Variants in PAK3 observed in about 807,000 individuals in gnomAD.
PAK3 encodes p21 (RAC1) activated kinase 3.
A neutral mutation model predicts 41.0 loss-of-function variants in PAK3; 4 were observed. That is an observed-to-expected ratio of 0.10 (90% confidence interval 0.05 to 0.22). The LOEUF (loss-of-function observed/expected upper bound fraction) is 0.22. Among genes scored for constraint, PAK3 ranks in the 10% least tolerant of loss-of-function variants. The probability of loss-of-function intolerance (pLI) is 1.00; values close to 1 mark genes in which losing one functional copy is unlikely to be tolerated. For missense variants in PAK3, 205 were observed against 409.9 expected, an observed-to-expected ratio of 0.50 and a Z score of 4.32; for synonymous variants, 146 against 139.6, an observed-to-expected ratio of 1.05 and a Z score of -0.32.
chrX:111,051,204 G>A (rs2092554225), intron 1 of PAK3, among the ~76,000 whole-genome samples: 1 of 111,791 alleles, frequency 8.9e-6, no homozygotes, highest in African/African-American at 3.3e-5. Flanking sequence ...CTCTATTGGA[G>A]CAGTAACTTT....
chrX:111,173,543 G>A (rs997249082), intron 11 of PAK3, among the ~76,000 whole-genome samples: 6 of 111,179 alleles, frequency 5.4e-5, no homozygotes, highest in Non-Finnish European at 1.1e-4. Flanking sequence ...AGGCAGAGTT[G>A]ACTATCTGAG....
intron 1 of PAK3, among the ~76,000 whole-genome samples, chrX:111,044,974 A>G (rs2092483293): frequency 8.9e-6 from 1 of 112,000 alleles, no homozygotes; most frequent in Non-Finnish European, 1.9e-5. Flanking sequence ...ATGACCTATG[A>G]CATGAAAGCT....
chrX:111,102,945 G>T (rs1206145447), intron 3 of PAK3, among the ~76,000 whole-genome samples: 2 of 111,681 alleles, frequency 1.8e-5, no homozygotes, highest in African/African-American at 3.3e-5. Flanking sequence ...TTAGCCCTCT[G>T]ATTTTCTAGC....
rs372088018 is a variant in PAK3 at position 111,182,588 on chromosome X, G to A, written c.830+9507G>A. Among the ~76,000 whole-genome samples, 27 of 110,724 alleles carry A rather than the reference G, an allele frequency of 2.4e-4. No individual in the cohort carries two copies. The East Asian group carries it at 6.6e-3, about 27-fold the overall frequency. On this transcript the variant is annotated intron_variant, in intron 11 of 17. Transcript: ENST00000372007. Reference sequence around the variant, plus strand: ...AGGAAAACGCCAGAACTCTGTCTTTGGAAAAGTTATTGCATGTGATGGTAA... The same window carrying A: ...AGGAAAACGCCAGAACTCTGTCTTTAGAAAAGTTATTGCATGTGATGGTAA...
chrX:111,154,723 C>T (rs1287868870), intron 8 of PAK3, among the ~76,000 whole-genome samples: 1 of 110,565 alleles, frequency 9.0e-6, no homozygotes, highest in Non-Finnish European at 1.9e-5. Context: ...GCTTCCTGGG[C>T]CACACTGAAA....
At position 111,207,202 on chromosome X, in the gene PAK3, A is replaced by C. The variant is rs758666254; in HGVS notation, c.1408-9219A>C. Among the ~76,000 whole-genome samples, 56 of 108,608 alleles carry C rather than the reference A, an allele frequency of 5.2e-4. 1 individual carries two copies. The highest frequency in any genetic ancestry group is 1.9e-3 in the African/African-American group (55 of 29,629). The allele number at this position is 108,608 out of a possible 115,157, so 94.3% of individuals were successfully genotyped here. ...TATATATATACGTATATGTGTGTAT[A>C]TATATACACATATACATATACATAT... On this transcript the variant is annotated intron_variant, in intron 16 of 17. Coordinates refer to ENST00000372007, the MANE Select transcript of PAK3 (RefSeq NM_002578.5).
intron 13 of PAK3, among the ~76,000 whole-genome samples, chrX:111,194,047 T>G (rs1391044285): frequency 9.0e-6 from 1 of 111,549 alleles, no homozygotes; most frequent in Non-Finnish European, 1.9e-5. Flanking sequence ...GAGACCTGAT[T>G]GTACTGCTAA....
intron 5 of PAK3, among the ~76,000 whole-genome samples, chrX:111,136,963 T>C (rs1192833521): frequency 1.8e-5 from 2 of 111,477 alleles, no homozygotes; most frequent in African/African-American, 3.3e-5. Flanking sequence ...GTGGGAATGA[T>C]TGCAGAAGTG....
At chrX:111,105,972 A>G (rs1406248020) in intron 4 of PAK3, among the ~76,000 whole-genome samples, 1 of 111,967 alleles carries the variant, frequency 8.9e-6, no homozygotes, top group African/African-American at 3.3e-5. Context: ...AAACATACAT[A>G]CTGCACATGT....
At chrX:111,000,611 A>G (rs975600868) in intron 1 of PAK3, among the ~76,000 whole-genome samples, 1 of 111,994 alleles carries the variant, frequency 8.9e-6, no homozygotes, top group Non-Finnish European at 1.9e-5. Context: ...TCTGTAGATG[A>G]GTTAATCTTA....
intron 1 of PAK3, among the ~76,000 whole-genome samples, chrX:111,078,922 C>A (rs954487654): frequency 8.9e-6 from 1 of 112,148 alleles, no homozygotes; most frequent in Admixed American, 9.5e-5. Context: ...AAATGTCAAA[C>A]CAGCTACAAC....
rs1231161391 is a variant in PAK3, at chrX:111,220,974, AAAAAC to A, written c.*537_*541del. 1 of 112,786 alleles carries A rather than the reference AAAAAC, an allele frequency of 8.9e-6. No homozygotes were observed. Among genetic ancestry groups the A allele is most frequent in the African/African-American group, 3.3e-5 (1 of 30,380 alleles). The allele number at this position is 112,786 out of a possible 1,213,427, so 9.3% of individuals were successfully genotyped here. Reference sequence around the variant, plus strand: ...AAAAAAAAAAAAAACAAACAAAAACAAAAACAAAACAAAAACAAGCAAACAAAAAA... The same window carrying A: ...AAAAAAAAAAAAAACAAACAAAAACAAAAACAAAAACAAGCAAACAAAAAA... On this transcript the variant is annotated 3_prime_UTR_variant, in exon 18 of 18. Coordinates refer to ENST00000372007, the MANE Select transcript of PAK3 (RefSeq NM_002578.5).
chrX:111,173,299 G>A (rs1399239416), intron 11 of PAK3, among the ~76,000 whole-genome samples: 1 of 111,137 alleles, frequency 9.0e-6, no homozygotes, highest in African/African-American at 3.3e-5. Flanking sequence ...CATTATTGTT[G>A]GGCTGACAGT....
At chrX:111,127,761 A>G (rs1023565824) in intron 5 of PAK3, among the ~76,000 whole-genome samples, 2 of 111,289 alleles carry the variant, frequency 1.8e-5, no homozygotes, top group African/African-American at 3.3e-5. Flanking sequence ...GTATGTATGC[A>G]CTTTGTATTA....
rs1163687252 is a variant in PAK3 at position 111,204,878 on chromosome X, G to GTT, written c.1407+8255_1407+8256dup. On this transcript the variant is annotated intron_variant, in intron 16 of 17. Transcript: ENST00000372007. ...TTTCTTTTCTTCTTTCCTTTGCTTT[G>GTT]TTTTTTTTTTTTTTTTTTGTAAAGA... 5.4e-3 allele frequency among the ~76,000 whole-genome samples: 204 copies of GTT among 37,657 alleles called. 4 individuals are homozygous for GTT. Among genetic ancestry groups the GTT allele is most frequent in the Middle Eastern group, 0.015 (1 of 68 alleles). 32.7% of individuals were successfully genotyped at this position (37,657 alleles called of 115,157 possible). A position where few individuals can be genotyped will look rare whatever the true frequency, so the allele number is the denominator to read the frequency against.
At chrX:111,028,306 G>A (rs979091555) in intron 1 of PAK3, among the ~76,000 whole-genome samples, 3 of 108,884 alleles carry the variant, frequency 2.8e-5, no homozygotes, top group Non-Finnish European at 5.7e-5. Flanking sequence ...TACACTGCTC[G>A]GGTGATGGGT....
chrX:111,006,849 C>CTTTCTTTCTTTCT (rs1556434441), intron 1 of PAK3, among the ~76,000 whole-genome samples: 7,494 of 42,544 alleles, frequency 0.18, 847 homozygotes, highest in East Asian at 0.24. Flanking sequence ...TTCTTTCTTT[C>CTTTCTTTCTTTCT]TTTTTTTTTT....
intron 16 of PAK3, among the ~76,000 whole-genome samples, chrX:111,201,832 A>G (rs897762316): frequency 9.0e-6 from 1 of 110,929 alleles, no homozygotes; most frequent in South Asian, 3.8e-4. Flanking sequence ...AAAAAAATAT[A>G]TATGTATATA....
At chrX:111,123,470 T>C (rs2093607790) in intron 5 of PAK3, among the ~76,000 whole-genome samples, 192 bp downstream of exon 5, 1 of 112,847 alleles carries the variant, frequency 8.9e-6, no homozygotes, top group Admixed American at 9.3e-5. Flanking sequence ...AGAAAATACA[T>C]TTACACTATG....
Sources: allele counts gnomAD v4.1 joint callset (sites outside exome capture counted in the v4.1 genomes callset), GRCh38; gene constraint gnomAD v4.1.1; transcripts MANE v1.5; gene names NCBI Gene and HGNC (gene_info 2026-07-23, HGNC 2026-07-21).